Variants in CFDP1 observed in about 807,000 individuals in gnomAD.
CFDP1 encodes heterochromatin-stabilizing protein CFDP1.
In CFDP1, 31 loss-of-function variants were observed where a neutral mutation model predicts 40.1. The ratio of observed to expected loss-of-function variants is 0.77; its 90% CI spans 0.58 to 1.04. CFDP1 has a LOEUF of 1.04. CFDP1 is among the 50% of genes least tolerant of loss of function. The pLI, the probability that CFDP1 is intolerant of heterozygous loss-of-function variation, is 0.00. For synonymous variants in CFDP1, 167 were observed against 120.0 expected, an observed-to-expected ratio of 1.39 and a Z score of -2.56; for missense variants, 423 against 343.4, an observed-to-expected ratio of 1.23 and a Z score of -1.83.
rs2078345189 is a variant in CFDP1, at chr16:75,319,097, G to A, written c.651-13915C>T. 4.6e-5 allele frequency among the ~76,000 whole-genome samples: 7 copies of A among 152,276 alleles called. No individual in the cohort carries two copies. In the South Asian group the frequency reaches 1.5e-3, roughly 32 times the overall value. On this transcript the variant is annotated intron_variant, in intron 5 of 6. Coordinates refer to ENST00000283882, the MANE Select transcript of CFDP1 (RefSeq NM_006324.3). ...GAAGTTTCTGTTGCCAGACTGGAGT[G>A]CAGTGGAGCGATCTCGGCTCACTGC... is the stretch of plus-strand genomic sequence containing the variant.
chr16:75,422,475 C>T (rs1326112223), intron 1 of CFDP1, among the ~76,000 whole-genome samples: 5 of 148,474 alleles, frequency 3.4e-5, no homozygotes, highest in African/African-American at 1.3e-4. Flanking sequence ...TCTTGGCTCA[C>T]TACGATCCTC....
At chr16:75,353,435 G>A (rs1429567182) in intron 5 of CFDP1, among the ~76,000 whole-genome samples, 5 of 151,952 alleles carry the variant, frequency 3.3e-5, no homozygotes, top group East Asian at 3.9e-4. Context: ...AATCATATGT[G>A]GGAGTTAGGT....
intron 5 of CFDP1, among the ~76,000 whole-genome samples, chr16:75,391,878 G>C (rs1441699345): frequency 6.6e-6 from 1 of 151,714 alleles, no homozygotes; most frequent in African/African-American, 2.4e-5. Flanking sequence ...CTGAGGCAGG[G>C]AACTGCTTGA....
At chr16:75,432,662 A>C (rs1159509789) in intron 1 of CFDP1, among the ~76,000 whole-genome samples, 1 of 152,154 alleles carries the variant, frequency 6.6e-6, no homozygotes, top group Non-Finnish European at 1.5e-5. Context: ...GAAGATGTGA[A>C]TGGGTGAAGA....
At chr16:75,343,395 T>C (rs1477746707) in intron 5 of CFDP1, among the ~76,000 whole-genome samples, 2 of 152,178 alleles carry the variant, frequency 1.3e-5, no homozygotes, top group East Asian at 1.9e-4. Context: ...AGCCTGGCTA[T>C]GGTTTCCTTA....
At chr16:75,358,202 A>C (rs539200774) in intron 5 of CFDP1, among the ~76,000 whole-genome samples, 6 of 152,242 alleles carry the variant, frequency 3.9e-5, no homozygotes, top group Admixed American at 1.3e-4. Flanking sequence ...GGACAGAGAC[A>C]TGAAGTAAAT....
At chr16:75,371,156 G>C (rs776603755) in intron 5 of CFDP1, among the ~76,000 whole-genome samples, 6 of 151,968 alleles carry the variant, frequency 3.9e-5, no homozygotes, top group Non-Finnish European at 8.8e-5. Context: ...TCTTTGTTTC[G>C]AGCTGTCCTT....
At chr16:75,304,921 T>A (rs1567639804) in intron 6 of CFDP1, 103 bp downstream of exon 6, 1 of 1,231,240 alleles carries the variant, frequency 8.1e-7, no homozygotes, top group South Asian at 1.4e-5. Flanking sequence ...AGTTCCATCA[T>A]GAAAAGCTCC....
intron 5 of CFDP1, among the ~76,000 whole-genome samples, chr16:75,321,090 C>A (rs570110510): frequency 1.3e-4 from 20 of 152,170 alleles, no homozygotes; most frequent in African/African-American, 4.3e-4. Context: ...GCCATCATGC[C>A]TTGCTCAGCT....
intron 6 of CFDP1, among the ~76,000 whole-genome samples, chr16:75,303,443 A>C (rs1199981604): frequency 2.4e-5 from 2 of 83,828 alleles, no homozygotes; most frequent in Non-Finnish European, 6.0e-5. Context: ...GGAAAAAAAA[A>C]CCATACTGGT....
rs540180611 is a variant in CFDP1, at chr16:75,331,695, A to T, written c.651-26513T>A. Among the ~76,000 whole-genome samples, 17 of 70,402 alleles carry T rather than the reference A, an allele frequency of 2.4e-4. No individual in the cohort carries two copies. In the South Asian group the frequency reaches 5.7e-3, roughly 24 times the overall value. The allele number at this position is 70,402 out of a possible 152,430, so 46.2% of individuals were successfully genotyped here. A position where few individuals can be genotyped will look rare whatever the true frequency, so the allele number is the denominator to read the frequency against. On this transcript the variant is annotated intron_variant, in intron 5 of 6. Transcript: ENST00000283882. ...CAGCACAATGTTTTTGAGTTCATCC[A>T]TGTTGTGTGTTCCTTGTTATTGCCA... is the stretch of plus-strand genomic sequence containing the variant.
At chr16:75,416,466 A>T (rs1366244012) in intron 1 of CFDP1, among the ~76,000 whole-genome samples, 986 of 37,458 alleles carry the variant, frequency 0.026, 8 homozygotes, top group Middle Eastern at 0.071. Context: ...AAGAGATTTA[A>T]AAAAAAAAAA....
intron 5 of CFDP1, among the ~76,000 whole-genome samples, chr16:75,390,137 T>C (rs2078934911): frequency 1.3e-5 from 2 of 152,220 alleles, no homozygotes; most frequent in African/African-American, 4.8e-5. Flanking sequence ...GTCAGCATTC[T>C]TTACTGAAAA....
intron 5 of CFDP1, among the ~76,000 whole-genome samples, chr16:75,308,400 C>T (rs2078272343): frequency 6.6e-6 from 1 of 152,146 alleles, no homozygotes; most frequent in Non-Finnish European, 1.5e-5. Flanking sequence ...ACTCAAAATC[C>T]TTGTCTTATG....
At chr16:75,310,253 G>A (rs2078286974) in intron 5 of CFDP1, among the ~76,000 whole-genome samples, 1 of 152,190 alleles carries the variant, frequency 6.6e-6, no homozygotes, top group African/African-American at 2.4e-5. Flanking sequence ...GTGGCTGAGT[G>A]CAGCTCATAC....
At chr16:75,336,059 G>T (rs545133555) in intron 5 of CFDP1, among the ~76,000 whole-genome samples, 139 of 152,180 alleles carry the variant, frequency 9.1e-4, no homozygotes, top group African/African-American at 3.0e-3. Flanking sequence ...CCAAATAAGT[G>T]GGGAAAAAAA....
At chr16:75,344,085 T>A (rs2078545521) in intron 5 of CFDP1, among the ~76,000 whole-genome samples, 1 of 152,202 alleles carries the variant, frequency 6.6e-6, no homozygotes, top group Non-Finnish European at 1.5e-5. Flanking sequence ...GACAACAAGC[T>A]GTAATAAACC....
At position 75,412,555 on chromosome 16, in the gene CFDP1, G is replaced by T. The variant is rs1186337273; in HGVS notation, c.382C>A (p.Pro128Thr). ...LNDVGPKSKV[P>T]PSTQVKKGEE... ...CTTACCTTAACTTGTGTACTTGGGG[G>T]CACTTTTGATTTTGGTCCCACATCA... is the stretch of plus-strand genomic sequence containing the variant. The change falls in exon 3 of 7, where the codon CCC becomes ACC. Residue 128 changes from proline (P) to threonine (T), a missense_variant. Pro to Thr is a conservative substitution (Grantham distance 38). Transcript: ENST00000283882. 1.2e-6 allele frequency: 2 copies of T among 1,613,874 alleles called. No homozygotes were observed. Among genetic ancestry groups the T allele is most frequent in the Non-Finnish European group, 1.7e-6 (2 of 1,179,796 alleles).
chr16:75,394,419 T>C (rs982674785), intron 5 of CFDP1, among the ~76,000 whole-genome samples: 5 of 152,214 alleles, frequency 3.3e-5, no homozygotes, highest in Admixed American at 2.0e-4. Flanking sequence ...TGACAATGTG[T>C]TAAGAAAACT....
Sources: gnomAD v4.1 joint callset for allele counts (sites outside exome capture counted in the v4.1 genomes callset) on GRCh38, gnomAD v4.1.1 for gene constraint, MANE v1.5 for transcripts, NCBI Gene and HGNC (gene_info 2026-07-23, HGNC 2026-07-21) for gene names.